NBEA: variants seen among roughly 807,000 people sequenced by gnomAD.
The protein encoded by NBEA is lysosomal-trafficking regulator 2.
NBEA carries 44 observed loss-of-function variants against 343.4 expected under a neutral mutation model. The ratio of observed to expected loss-of-function variants is 0.13; its 90% CI spans 0.10 to 0.16. The LOEUF (loss-of-function observed/expected upper bound fraction) is 0.16, where lower values mean the gene tolerates loss of function less well. NBEA is among the 10% of genes least tolerant of loss of function. The pLI is 1.00. For missense variants in NBEA, 2,555 were observed against 3,631.3 expected (o/e 0.70, Z 7.62); for synonymous variants, 1,175 against 1,238.7 (o/e 0.95, Z 1.08).
In NBEA at chr13:35,088,053, G is replaced by T. The variant is rs1593302066; in HGVS notation, c.1572-10244G>T. On this transcript the variant is annotated intron_variant, in intron 10 of 58. Coordinates refer to ENST00000379939, the MANE Select transcript of NBEA (RefSeq NM_001385012.1). ...AAAGGTGCAGTGTTTTGGTATTTTGGATAGGTACTGAGGTATCACCTACCA... is the reference window on the plus strand; with the variant it reads ...AAAGGTGCAGTGTTTTGGTATTTTGTATAGGTACTGAGGTATCACCTACCA... Among the ~76,000 whole-genome samples the T allele has an allele frequency of 2.0e-5, 3 of 151,880 alleles. 1 individual carries two copies. The highest frequency in any genetic ancestry group is 4.8e-5 in the African/African-American group (2 of 41,468).
chr13:35,532,296 C>T (rs2078302442), intron 41 of NBEA, among the ~76,000 whole-genome samples: 1 of 151,998 alleles, frequency 6.6e-6, no homozygotes, highest in African/African-American at 2.4e-5. Flanking sequence ...AAGTACCTTT[C>T]AGGGAAAGCT....
chr13:35,358,196 A>G (rs1026539908), intron 38 of NBEA, among the ~76,000 whole-genome samples: 4 of 151,048 alleles, frequency 2.6e-5, no homozygotes, highest in African/African-American at 9.7e-5. Context: ...TAATTTTTTT[A>G]TATTTTTGGT....
At chr13:35,051,259 C>G (rs531402903) in intron 6 of NBEA, among the ~76,000 whole-genome samples, 1 of 152,046 alleles carries the variant, frequency 6.6e-6, no homozygotes, top group South Asian at 2.1e-4. Context: ...TTTTTTAGGG[C>G]ACACTGCCTC....
At chr13:35,112,348 G>A (rs1432713081) in intron 13 of NBEA, among the ~76,000 whole-genome samples, 4 of 151,842 alleles carry the variant, frequency 2.6e-5, no homozygotes, top group Non-Finnish European at 4.4e-5. Context: ...CACTCTACAT[G>A]TTAATTTGTT....
Position 35,232,627 on chromosome 13 carries a change from T to C in NBEA, c.5776+8T>C. ...AAGAGCTATTGATAGAAGGTATGATTTCTCTATTATAATTATTTTAGTTTC... is the reference window on the plus strand; with the variant it reads ...AAGAGCTATTGATAGAAGGTATGATCTCTCTATTATAATTATTTTAGTTTC... On this transcript the variant is annotated splice_region_variant and intron_variant, in intron 34 of 58. Transcript: ENST00000379939. 6.8e-7 allele frequency: 1 copy of C among 1,471,244 alleles called. No individual in the cohort carries two copies. The allele number at this position is 1,471,244 out of a possible 1,614,324, so 91.1% of individuals were successfully genotyped here.
At chr13:34,967,152 T>C (rs978204354) in intron 1 of NBEA, among the ~76,000 whole-genome samples, 3 of 151,792 alleles carry the variant, frequency 2.0e-5, no homozygotes, top group Non-Finnish European at 4.4e-5. Flanking sequence ...AGGTTTGTTA[T>C]TATTAGTGAA....
chr13:35,606,859 T>C (rs773408754), intron 48 of NBEA, among the ~76,000 whole-genome samples: 8 of 152,210 alleles, frequency 5.3e-5, no homozygotes, highest in Non-Finnish European at 1.2e-4. Context: ...TGTTGACTAA[T>C]ATAATGTATT....
chr13:35,372,693 T>A (rs2041510540), intron 38 of NBEA, among the ~76,000 whole-genome samples: 1 of 152,018 alleles, frequency 6.6e-6, no homozygotes. Flanking sequence ...TGTGGTGGTG[T>A]CTATCCTTAG....
chr13:35,171,758 A>G (rs183534048), intron 26 of NBEA, among the ~76,000 whole-genome samples: 1 of 152,170 alleles, frequency 6.6e-6, no homozygotes, highest in African/African-American at 2.4e-5. Context: ...AGTGATTTTT[A>G]ATGCAAATCC....
At chr13:35,416,449 C>CATGAAGGGG (rs1412717055) in intron 38 of NBEA, among the ~76,000 whole-genome samples, 1 of 151,500 alleles carries the variant, frequency 6.6e-6, no homozygotes, top group Non-Finnish European at 1.5e-5. Flanking sequence ...GAGTTTTTAG[C>CATGAAGGGG]TGTTGAATTT....
intron 9 of NBEA, among the ~76,000 whole-genome samples, 154 bp from the exon 10 acceptor site, chr13:35,070,565 C>CT (rs147765502): frequency 0.035 from 5,319 of 152,004 alleles, 109 homozygotes; most frequent in African/African-American, 0.065. Flanking sequence ...AAGGTATTCA[C>CT]TTTTTTGTCT....
At chr13:35,459,017 C>CAA (rs60310074) in intron 40 of NBEA, among the ~76,000 whole-genome samples, 2 of 74,956 alleles carry the variant, frequency 2.7e-5, no homozygotes, top group Non-Finnish European at 5.1e-5. Flanking sequence ...CCCCCCCCCC[C>CAA]CACACACACA....
chr13:35,337,866 T>C (rs532188398), intron 36 of NBEA, among the ~76,000 whole-genome samples: 83 of 152,024 alleles, frequency 5.5e-4, no homozygotes, highest in African/African-American at 1.9e-3. Context: ...AGGAAACTAC[T>C]AAATAACCAA....
In NBEA at chr13:35,228,060, G is replaced by A. The variant is rs7331576; in HGVS notation, c.5649-4432G>A. 9.1e-3 allele frequency among the ~76,000 whole-genome samples: 1,377 copies of A among 151,846 alleles called. 20 individuals are homozygous for A. The highest frequency in any genetic ancestry group is 0.031 in the African/African-American group (1,297 of 41,450). On this transcript the variant is annotated intron_variant, in intron 33 of 58. Coordinates refer to ENST00000379939, the MANE Select transcript of NBEA (RefSeq NM_001385012.1). ...GGCAAGATTTGATAATAATTAAGCCGTGGGTTTTCATACATTATTTTTCCC... is the reference window on the plus strand; with the variant it reads ...GGCAAGATTTGATAATAATTAAGCCATGGGTTTTCATACATTATTTTTCCC...
chr13:35,242,007 G>T (rs922409325), intron 34 of NBEA, among the ~76,000 whole-genome samples: 1 of 151,744 alleles, frequency 6.6e-6, no homozygotes, highest in Non-Finnish European at 1.5e-5. Flanking sequence ...ATAGTACAAC[G>T]CACTCAAAGA....
At chr13:35,632,463 A>T (rs879721047) in intron 49 of NBEA, among the ~76,000 whole-genome samples, 4 of 152,102 alleles carry the variant, frequency 2.6e-5, no homozygotes, top group African/African-American at 4.8e-5. Flanking sequence ...GCACTGCTCT[A>T]CTAAAGGTGT....
chr13:35,599,352 C>T (rs1349727518), intron 47 of NBEA, among the ~76,000 whole-genome samples: 1 of 152,190 alleles, frequency 6.6e-6, no homozygotes, highest in Non-Finnish European at 1.5e-5. Context: ...TATTCATCGA[C>T]AATTATGCAA....
chr13:35,323,745 T>A (rs1213250621), intron 36 of NBEA, among the ~76,000 whole-genome samples: 1 of 151,858 alleles, frequency 6.6e-6, no homozygotes, highest in Non-Finnish European at 1.5e-5. Context: ...AAATAAAATA[T>A]ATCTACTTAT....
chr13:35,489,526 A>G (rs2076427959), intron 41 of NBEA, among the ~76,000 whole-genome samples: 2 of 152,088 alleles, frequency 1.3e-5, no homozygotes, highest in South Asian at 4.1e-4. Context: ...TCCAAATCAT[A>G]ATCTATGCCA....
Sources: gnomAD v4.1 joint callset for allele counts (sites outside exome capture counted in the v4.1 genomes callset) on GRCh38, gnomAD v4.1.1 for gene constraint, MANE v1.5 for transcripts, NCBI Gene and HGNC (gene_info 2026-07-23, HGNC 2026-07-21) for gene names.